Variants in TRPC4 observed in about 807,000 individuals in gnomAD.
The protein encoded by TRPC4 is short transient receptor potential channel 4.
In TRPC4, 49 loss-of-function variants were observed where a neutral mutation model predicts 99.4. The observed-to-expected ratio is 0.49, with a 90% confidence interval of 0.39 to 0.63. The LOEUF is 0.63. Ranked by LOEUF, TRPC4 falls within the 20% of genes least tolerant of loss-of-function variation. The pLI, the probability that TRPC4 is intolerant of heterozygous loss-of-function variation, is 0.00. For missense variants in TRPC4, 898 were observed against 1,152.9 expected (o/e 0.78, Z 3.20); for synonymous variants, 454 against 425.9 (o/e 1.07, Z -0.81).
chr13:37,779,005 C>A (rs920886705), intron 2 of TRPC4, among the ~76,000 whole-genome samples: 1 of 152,000 alleles, frequency 6.6e-6, no homozygotes, highest in Non-Finnish European at 1.5e-5. Flanking sequence ...TCACTTCAGA[C>A]CTGCTGTGTC....
Position 37,869,606 on chromosome 13 carries a change from C to A in TRPC4, c.-39G>T, listed in dbSNP as rs543872059. 6.6e-6 allele frequency: 1 copy of A among 152,256 alleles called. No homozygotes were observed. Among genetic ancestry groups the A allele is most frequent in the Non-Finnish European group, 1.5e-5 (1 of 68,118 alleles). The allele number at this position is 152,256 out of a possible 1,614,324, so 9.4% of individuals were successfully genotyped here. ...GACATCCTCTTTACCTGCAAAGTTG[C>A]AATCTTCGGGCTGAAGTGATGGGAT... is the stretch of plus-strand genomic sequence containing the variant. On this transcript the variant is annotated 5_prime_UTR_variant, in exon 1 of 11. Transcript: ENST00000379705.
At chr13:37,776,959 A>G (rs1046994179) in intron 2 of TRPC4, among the ~76,000 whole-genome samples, 1 of 151,950 alleles carries the variant, frequency 6.6e-6, no homozygotes, top group African/African-American at 2.4e-5. Flanking sequence ...TTTGGGTTAT[A>G]TATTTGCATT....
chr13:37,824,780 G>T (rs1367902646), intron 1 of TRPC4, among the ~76,000 whole-genome samples: 1 of 152,116 alleles, frequency 6.6e-6, no homozygotes, highest in Admixed American at 6.5e-5. Flanking sequence ...AATGATGCTG[G>T]CCTCATAAAA....
intron 5 of TRPC4, among the ~76,000 whole-genome samples, chr13:37,674,026 A>T (rs1393915094): frequency 6.6e-6 from 1 of 152,164 alleles, no homozygotes; most frequent in African/African-American, 2.4e-5. Context: ...ACTTCTACTT[A>T]TAAAAACTTG....
intron 4 of TRPC4, among the ~76,000 whole-genome samples, chr13:37,687,139 A>T (rs1593512705): frequency 6.6e-6 from 1 of 151,858 alleles, no homozygotes; most frequent in South Asian, 2.1e-4. Flanking sequence ...TGATTTTTGT[A>T]TTTTTAGTAG....
intron 2 of TRPC4, among the ~76,000 whole-genome samples, chr13:37,752,521 T>A (rs1301289630): frequency 6.6e-6 from 1 of 151,924 alleles, no homozygotes; most frequent in African/African-American, 2.4e-5. Flanking sequence ...CAAGCTAAAG[T>A]GACCCCCTCA....
chr13:37,781,567 T>A (rs747834968), intron 2 of TRPC4, among the ~76,000 whole-genome samples: 44 of 152,104 alleles, frequency 2.9e-4, no homozygotes, highest in Non-Finnish European at 5.1e-4. Flanking sequence ...CTATTAGTTG[T>A]CTACCCCAAT....
intron 7 of TRPC4, 137 bp downstream of exon 7, chr13:37,654,950 AT>A: frequency 9.0e-6 from 6 of 669,880 alleles, no homozygotes; most frequent in Non-Finnish European, 1.3e-5. Flanking sequence ...GAAATTTCAA[AT>A]TAACCATTTA....
At chr13:37,845,862 C>A (rs773824680) in intron 1 of TRPC4, among the ~76,000 whole-genome samples, 38 of 152,004 alleles carry the variant, frequency 2.5e-4, no homozygotes, top group Non-Finnish European at 4.6e-4. Flanking sequence ...AGGACATCAC[C>A]AAGATACATT....
At chr13:37,754,368 T>G (rs577969543) in intron 2 of TRPC4, among the ~76,000 whole-genome samples, 3 of 152,240 alleles carry the variant, frequency 2.0e-5, no homozygotes, top group South Asian at 2.1e-4. Context: ...TAACTTTTCT[T>G]CTCAAATTTA....
rs957348878 is a variant in TRPC4, at chr13:37,635,784, A to C, written c.*1119T>G. 5.3e-5 allele frequency among the ~76,000 whole-genome samples: 8 copies of C among 152,142 alleles called. No individual in the cohort carries two copies. The highest frequency in any genetic ancestry group is 1.2e-4 in the Non-Finnish European group (8 of 68,014). ...AGCTAAATTACCTTGCAAACAATAG[A>C]AAGAAAAACAAGAAATAAGAATGTT... is the stretch of plus-strand genomic sequence containing the variant. On this transcript the variant is annotated 3_prime_UTR_variant, in exon 11 of 11. Transcript: ENST00000379705.
intron 3 of TRPC4, among the ~76,000 whole-genome samples, chr13:37,695,485 C>G: frequency 6.6e-6 from 1 of 152,160 alleles, no homozygotes; most frequent in South Asian, 2.1e-4. Flanking sequence ...TACCATCTTC[C>G]GCACCATTCC....
chr13:37,690,657 A>G (rs1813832569), intron 4 of TRPC4, among the ~76,000 whole-genome samples: 1 of 152,204 alleles, frequency 6.6e-6, no homozygotes, highest in African/African-American at 2.4e-5. Context: ...ATTAATGAGA[A>G]CCTACTCTAT....
rs180800635 is a variant in TRPC4, at chr13:37,713,688, A to G, written c.898-21353T>C. On this transcript the variant is annotated intron_variant, in intron 3 of 10. Coordinates refer to ENST00000379705, the MANE Select transcript of TRPC4 (RefSeq NM_016179.4). ...GATCTGAACATACATAATGGAAAAG[A>G]AAAGGAGAAGGTGGACTCCCACCTC... 2.6e-5 allele frequency among the ~76,000 whole-genome samples: 4 copies of G among 152,300 alleles called. No homozygotes were observed. In the East Asian group the frequency reaches 7.7e-4, roughly 29 times the overall value.
chr13:37,716,964 G>A (rs1593577421), intron 3 of TRPC4, among the ~76,000 whole-genome samples: 1 of 151,984 alleles, frequency 6.6e-6, no homozygotes, highest in Non-Finnish European at 1.5e-5. Context: ...ATCATAGACT[G>A]AATACATGTT....
At chr13:37,790,718 G>A (rs2139385385) in intron 1 of TRPC4, among the ~76,000 whole-genome samples, 1 of 152,046 alleles carries the variant, frequency 6.6e-6, no homozygotes, top group East Asian at 1.9e-4. Flanking sequence ...GAAACCAACT[G>A]AGCACAGGCC....
At chr13:37,684,783 T>C (rs926092827) in intron 4 of TRPC4, among the ~76,000 whole-genome samples, 1 of 145,990 alleles carries the variant, frequency 6.8e-6, no homozygotes, top group Non-Finnish European at 1.5e-5. Context: ...TCGATTTTCC[T>C]GAGTACCCCT....
intron 1 of TRPC4, among the ~76,000 whole-genome samples, chr13:37,817,101 A>G (rs1399764875): frequency 6.6e-6 from 1 of 152,132 alleles, no homozygotes; most frequent in African/African-American, 2.4e-5. Flanking sequence ...TGCAGACAAC[A>G]TAAGCCTTTA....
chr13:37,659,477 A>G (rs1256927018), intron 6 of TRPC4, among the ~76,000 whole-genome samples: 1 of 152,148 alleles, frequency 6.6e-6, no homozygotes, highest in Non-Finnish European at 1.5e-5. Context: ...CTAGTCTCAG[A>G]TATTTCTTCA....
Sources: gnomAD v4.1 joint callset for allele counts (sites outside exome capture counted in the v4.1 genomes callset) on GRCh38, gnomAD v4.1.1 for gene constraint, MANE v1.5 for transcripts, NCBI Gene and HGNC (gene_info 2026-07-23, HGNC 2026-07-21) for gene names.